C3orf70: variants seen among roughly 807,000 people sequenced by gnomAD.
The protein encoded by C3orf70 is chromosome 3 open reading frame 70, also known as UPF0524 protein C3orf70.
A neutral mutation model predicts 20.7 loss-of-function variants in C3orf70; 15 were observed. The observed-to-expected ratio is 0.72, with a 90% CI of 0.48 to 1.11. The LOEUF (loss-of-function observed/expected upper bound fraction) is 1.11, where lower values mean the gene tolerates loss of function less well. Ranked by LOEUF, C3orf70 falls within the 50% of genes most tolerant of loss-of-function variation. The probability of loss-of-function intolerance (pLI) is 0.00; values close to 1 mark genes in which losing one functional copy is unlikely to be tolerated. For synonymous variants in C3orf70, 161 were observed against 125.7 expected, an observed-to-expected ratio of 1.28 and a Z score of -1.88; for missense variants, 332 against 317.6, an observed-to-expected ratio of 1.05 and a Z score of -0.34.
chr3:185,138,406 A>C (rs1172682175), intron 1 of C3orf70, among the ~76,000 whole-genome samples: 1 of 151,982 alleles, frequency 6.6e-6, no homozygotes, highest in African/African-American at 2.4e-5. Flanking sequence ...CATTGTATGA[A>C]GTTACAATTA....
Position 185,089,032 on chromosome 3 carries a change from T to C in C3orf70, c.197-5469A>G, listed in dbSNP as rs183913151. Among the ~76,000 whole-genome samples, 9 of 152,340 alleles carry C rather than the reference T, an allele frequency of 5.9e-5. No homozygotes were observed. The East Asian group carries it at 1.5e-3, about 26-fold the overall frequency. ...TGAGATAAAGACTTGTCTCAAGGACTTTCTAAAATAACTCTAAGAGATTCT... is the reference window on the plus strand; with the variant it reads ...TGAGATAAAGACTTGTCTCAAGGACCTTCTAAAATAACTCTAAGAGATTCT... On this transcript the variant is annotated intron_variant, in intron 1 of 1. Transcript: ENST00000335012.
chr3:185,148,258 T>C (rs542254623), intron 1 of C3orf70, among the ~76,000 whole-genome samples: 31 of 152,332 alleles, frequency 2.0e-4, no homozygotes, highest in African/African-American at 7.2e-4. Flanking sequence ...TGTATCTAAT[T>C]GCCTACCGAC....
intron 1 of C3orf70, among the ~76,000 whole-genome samples, chr3:185,085,625 T>C (rs1033156431): frequency 6.6e-6 from 1 of 151,566 alleles, no homozygotes; most frequent in African/African-American, 2.4e-5. Context: ...GGAACTATGT[T>C]TAAAATATAC....
chr3:185,094,344 T>C (rs978814584), intron 1 of C3orf70, among the ~76,000 whole-genome samples: 13 of 152,200 alleles, frequency 8.5e-5, no homozygotes, highest in African/African-American at 3.1e-4. Flanking sequence ...CCCAAAGTGC[T>C]GTGATTACAG....
intron 1 of C3orf70, among the ~76,000 whole-genome samples, chr3:185,108,620 CTT>C (rs2108595029): frequency 6.6e-6 from 1 of 152,350 alleles, no homozygotes; most frequent in Non-Finnish European, 1.5e-5. Flanking sequence ...ATGCTAGACA[CTT>C]TCACAATTTA....
Position 185,083,395 on chromosome 3 carries a change from CT to C in C3orf70, c.364del (p.Arg122GlyfsTer4). 2 of 1,614,078 alleles carry C rather than the reference CT, an allele frequency of 1.2e-6. No individual in the cohort carries two copies. Among genetic ancestry groups the C allele is most frequent in the East Asian group, 4.5e-5 (2 of 44,882 alleles). On this transcript the variant is annotated frameshift_variant, in exon 2 of 2. Coordinates refer to ENST00000335012, the MANE Select transcript of C3orf70 (RefSeq NM_001025266.3). LOFTEE classifies it high-confidence loss of function. ...AAAAAGGTCTGAAATCATACAGTAC[CT>C]CGGTGAGTCAGGGGGAAGGGGAGGC... is the stretch of plus-strand genomic sequence containing the variant. The part of the protein sequence containing the change: ...FQPPLPPDSP[R>X]YCMISDLFID...
rs1553918682 is a variant in C3orf70, at chr3:185,077,796, G to GGGC, written c.*5210_*5211insGCC. ...AATGCTATTTGGTGGTGGTGGGGGG[G>GGGC]GGGTATCAAGTTTTATTTGCTATAA... On this transcript the variant is annotated 3_prime_UTR_variant, in exon 2 of 2. Coordinates refer to ENST00000335012, the MANE Select transcript of C3orf70 (RefSeq NM_001025266.3). 6.6e-6 allele frequency among the ~76,000 whole-genome samples: 1 copy of GGGC among 150,676 alleles called. No homozygotes were observed. The highest frequency in any genetic ancestry group is 2.1e-4 in the South Asian group (1 of 4,678).
chr3:185,146,222 C>T (rs1307091801), intron 1 of C3orf70, among the ~76,000 whole-genome samples: 1 of 151,880 alleles, frequency 6.6e-6, no homozygotes, highest in African/African-American at 2.4e-5. Context: ...TCACAGCTCT[C>T]CTCTTAAAAT....
At chr3:185,086,803 AAGAG>A (rs746952455) in intron 1 of C3orf70, among the ~76,000 whole-genome samples, 4 of 152,214 alleles carry the variant, frequency 2.6e-5, no homozygotes, top group African/African-American at 9.6e-5. Context: ...GATGCAAAGA[AAGAG>A]AGGAGGAAAA....
chr3:185,083,754 A>C (rs1715403819), intron 1 of C3orf70, among the ~76,000 whole-genome samples, 191 bp from the exon 2 acceptor site: 1 of 152,240 alleles, frequency 6.6e-6, no homozygotes, highest in Admixed American at 6.5e-5. Flanking sequence ...TTTTCATCTA[A>C]AAGACTCAAT....
Position 185,081,414 on chromosome 3 carries a change from C to CAA in C3orf70, c.*1591_*1592dup, listed in dbSNP as rs57974688. ...GGGCAGCAAGAGGGAAACTCCATCT[C>CAA]AAAAAAAAAAAAATTAATGTGACGT... On this transcript the variant is annotated 3_prime_UTR_variant, in exon 2 of 2. Transcript: ENST00000335012. 1.4e-4 allele frequency: 19 copies of CAA among 140,608 alleles called. No homozygotes were observed. The highest frequency in any genetic ancestry group is 2.3e-4 in the South Asian group (1 of 4,374). The allele number at this position is 140,608 out of a possible 1,614,324, so 8.7% of individuals were successfully genotyped here.
intron 1 of C3orf70, among the ~76,000 whole-genome samples, chr3:185,137,012 C>A (rs541781850): frequency 6.6e-6 from 1 of 152,294 alleles, no homozygotes. Flanking sequence ...TTTACGTAAA[C>A]CCCTCTGATA....
At chr3:185,116,815 G>A (rs1420852924) in intron 1 of C3orf70, among the ~76,000 whole-genome samples, 1 of 149,744 alleles carries the variant, frequency 6.7e-6, no homozygotes, top group Non-Finnish European at 1.5e-5. Flanking sequence ...GTCTTGCTCA[G>A]TGGCCCAGGC....
intron 1 of C3orf70, among the ~76,000 whole-genome samples, chr3:185,095,285 T>C (rs1397203508): frequency 1.3e-5 from 2 of 152,204 alleles, no homozygotes; most frequent in East Asian, 1.9e-4. Flanking sequence ...AAAATCCATT[T>C]TGAGAACAAT....
At chr3:185,086,978 A>G (rs888037048) in intron 1 of C3orf70, among the ~76,000 whole-genome samples, 2 of 152,160 alleles carry the variant, frequency 1.3e-5, no homozygotes, top group Non-Finnish European at 2.9e-5. Flanking sequence ...GTCCCTGATA[A>G]CTTATATCCC....
chr3:185,082,818 A>G lies in C3orf70; in HGVS notation c.*189T>C, dbSNP rs1234567600. The G allele has an allele frequency of 2.2e-5, 13 of 596,772 alleles. No individual in the cohort carries two copies. The highest frequency in any genetic ancestry group is 1.8e-4 in the Admixed American group (6 of 33,304). 37.0% of individuals were successfully genotyped at this position (596,772 alleles called of 1,614,324 possible). A position where few individuals can be genotyped will look rare whatever the true frequency, so the allele number is the denominator to read the frequency against. ...GTCAGGATACAAAAGAAAACTGTTT[A>G]TAATAAAAAGAATGTCTTAGTTGTA... On this transcript the variant is annotated 3_prime_UTR_variant, in exon 2 of 2. Coordinates refer to ENST00000335012, the MANE Select transcript of C3orf70 (RefSeq NM_001025266.3).
At chr3:185,114,450 A>G (rs1245812950) in intron 1 of C3orf70, among the ~76,000 whole-genome samples, 1 of 152,204 alleles carries the variant, frequency 6.6e-6, no homozygotes, top group Non-Finnish European at 1.5e-5. Context: ...AATTAATGAA[A>G]CTAAGAAGCC....
At position 185,082,269 on chromosome 3, in the gene C3orf70, G is replaced by A. The variant is rs898612137; in HGVS notation, c.*738C>T. 5 of 152,220 alleles carry A rather than the reference G, an allele frequency of 3.3e-5. No individual in the cohort carries two copies. The highest frequency in any genetic ancestry group is 1.2e-4 in the African/African-American group (5 of 41,430). The allele number at this position is 152,220 out of a possible 1,614,324, so 9.4% of individuals were successfully genotyped here. ...AGGACTGTGGGCCCCTTCATGGTGG[G>A]AATCAGGTCTTATTCATGCTGTGTC... On this transcript the variant is annotated 3_prime_UTR_variant, in exon 2 of 2. Transcript: ENST00000335012.
chr3:185,116,781 A>ATTT (rs34415840), intron 1 of C3orf70, among the ~76,000 whole-genome samples: 1 of 143,582 alleles, frequency 7.0e-6, no homozygotes, highest in Non-Finnish European at 1.5e-5. Context: ...AACCCTCTAC[A>ATTT]TTTTTTTTTT....
Sources: allele counts gnomAD v4.1 joint callset (sites outside exome capture counted in the v4.1 genomes callset), GRCh38; gene constraint gnomAD v4.1.1; transcripts MANE v1.5; gene names NCBI Gene and HGNC (gene_info 2026-07-23, HGNC 2026-07-21).